Variants in ADAMTSL1 observed in about 807,000 individuals in gnomAD.
ADAMTSL1 encodes ADAMTS-like protein 1.
In ADAMTSL1, 126 loss-of-function variants were observed where a neutral mutation model predicts 201.8. The observed-to-expected ratio is 0.62, with a 90% CI of 0.54 to 0.72. The LOEUF (loss-of-function observed/expected upper bound fraction) is 0.72. Ranked by LOEUF, ADAMTSL1 falls within the 30% of genes least tolerant of loss-of-function variation. The pLI, the probability that ADAMTSL1 is intolerant of heterozygous loss-of-function variation, is 0.00. For synonymous variants in ADAMTSL1, 1,121 were observed against 903.4 expected (o/e 1.24, Z -4.32); for missense variants, 2,679 against 2,277.8 (o/e 1.18, Z -3.59).
chr9:18,721,133 G>C (rs567219121), intron 14 of ADAMTSL1, among the ~76,000 whole-genome samples: 8 of 152,164 alleles, frequency 5.3e-5, no homozygotes. Flanking sequence ...CAAATACAAC[G>C]ATTTCCTTTC....
intron 2 of ADAMTSL1, among the ~76,000 whole-genome samples, chr9:18,291,731 T>A (rs1275060613): frequency 8.5e-5 from 11 of 128,856 alleles, no homozygotes; most frequent in African/African-American, 3.5e-4. Flanking sequence ...TCTCTCTCTC[T>A]CTCTCTCTCT....
At chr9:18,186,850 C>A (rs1318553866) in intron 2 of ADAMTSL1, among the ~76,000 whole-genome samples, 1 of 151,936 alleles carries the variant, frequency 6.6e-6, no homozygotes, top group Non-Finnish European at 1.5e-5. Flanking sequence ...CACACACACA[C>A]ACACACACAC....
At chr9:18,390,945 G>A (rs1838020667) in intron 2 of ADAMTSL1, among the ~76,000 whole-genome samples, 1 of 152,138 alleles carries the variant, frequency 6.6e-6, no homozygotes, top group South Asian at 2.1e-4. Context: ...ATAAACGGAG[G>A]TGTTAATTTG....
Position 18,077,746 on chromosome 9 carries a change from T to TA in ADAMTSL1, c.88-86108dup, listed in dbSNP as rs34125643. On this transcript the variant is annotated intron_variant, in intron 1 of 29. Transcript: ENST00000680146. ...CTAACGTGGGGTCCAAGGAGGACTTTAAAAAAAATGCATATTTGTATGCTG... is the reference window on the plus strand; with the variant it reads ...CTAACGTGGGGTCCAAGGAGGACTTTAAAAAAAAATGCATATTTGTATGCTG... Among the ~76,000 whole-genome samples the TA allele has an allele frequency of 0.012, 1,789 of 151,940 alleles. 96 individuals are homozygous for TA. In the East Asian group the frequency reaches 0.19, roughly 16 times the overall value.
intron 20 of ADAMTSL1, 149 bp downstream of exon 20, chr9:18,795,673 T>C: frequency 1.2e-6 from 1 of 863,344 alleles, no homozygotes; most frequent in Non-Finnish European, 1.7e-6. Flanking sequence ...AACAGCAGTG[T>C]AGTATGAGGT....
intron 15 of ADAMTSL1, among the ~76,000 whole-genome samples, chr9:18,732,651 G>A (rs1818279428): frequency 6.6e-6 from 1 of 152,112 alleles, no homozygotes; most frequent in African/African-American, 2.4e-5. Flanking sequence ...GTTATTCCTA[G>A]CGTTGTCTCC....
At chr9:18,296,711 T>G (rs1355540983) in intron 2 of ADAMTSL1, among the ~76,000 whole-genome samples, 1 of 152,214 alleles carries the variant, frequency 6.6e-6, no homozygotes, top group Non-Finnish European at 1.5e-5. Context: ...TTAAAGTCCT[T>G]TGCTGGAATA....
At chr9:18,722,088 C>T (rs1442228254) in intron 15 of ADAMTSL1, among the ~76,000 whole-genome samples, 2 of 152,206 alleles carry the variant, frequency 1.3e-5, no homozygotes, top group African/African-American at 4.8e-5. Flanking sequence ...AATTGATCCA[C>T]TGTGAAATCT....
chr9:18,886,173 T>C (rs1337223692), intron 23 of ADAMTSL1, among the ~76,000 whole-genome samples: 1 of 74,288 alleles, frequency 1.3e-5, no homozygotes, highest in Non-Finnish European at 2.4e-5. Context: ...TGTGTATATA[T>C]ATATATATAT....
intron 1 of ADAMTSL1, among the ~76,000 whole-genome samples, chr9:18,004,835 A>C (rs1333319899): frequency 6.6e-6 from 1 of 152,090 alleles, no homozygotes; most frequent in Non-Finnish European, 1.5e-5. Flanking sequence ...TGACTGAAGG[A>C]GGAAAATTGA....
At chr9:18,720,435 A>G (rs1253715501) in intron 14 of ADAMTSL1, among the ~76,000 whole-genome samples, 1 of 152,234 alleles carries the variant, frequency 6.6e-6, no homozygotes, top group African/African-American at 2.4e-5. Flanking sequence ...AGCTACTGTT[A>G]TTATGACTGG....
At position 18,498,439 on chromosome 9, in the gene ADAMTSL1, C is replaced by T. The variant is rs549647227; in HGVS notation, c.64-6390C>T. Among the ~76,000 whole-genome samples, 4 of 151,096 alleles carry T rather than the reference C, an allele frequency of 2.6e-5. No individual in the cohort carries two copies. In the South Asian group the frequency reaches 8.4e-4, roughly 32 times the overall value. The stretch of plus-strand genomic sequence containing the variant: ...GCAACCTTCACCTCCTGGGTTCAAG[C>T]GATTCTTGTGTCCCAGCCTCCCAAG... On this transcript the variant is annotated intron_variant, in intron 1 of 28. Transcript: ENST00000380548.
chr9:18,289,562 A>T (rs1250977090), intron 2 of ADAMTSL1, among the ~76,000 whole-genome samples: 1 of 152,202 alleles, frequency 6.6e-6, no homozygotes, highest in African/African-American at 2.4e-5. Context: ...CCAGTATTCT[A>T]TTAACAGGGA....
chr9:18,237,175 A>C (rs1830881425), intron 2 of ADAMTSL1, among the ~76,000 whole-genome samples: 1 of 152,198 alleles, frequency 6.6e-6, no homozygotes, highest in Non-Finnish European at 1.5e-5. Flanking sequence ...CATGTGTCAG[A>C]AGCTGTGTCC....
chr9:18,001,346 G>A (rs1046810664), intron 1 of ADAMTSL1, among the ~76,000 whole-genome samples: 2 of 151,954 alleles, frequency 1.3e-5, no homozygotes, highest in Non-Finnish European at 2.9e-5. Context: ...ATAAATCATG[G>A]CACAGTCATA....
rs1489080667 is a variant in ADAMTSL1 at position 18,777,351 on chromosome 9, C to A, written c.3122C>A (p.Ser1041Ter). 2 of 1,601,702 alleles carry A rather than the reference C, an allele frequency of 1.2e-6. No individual in the cohort carries two copies. Among genetic ancestry groups the A allele is most frequent in the African/African-American group, 2.7e-5 (2 of 74,694 alleles). Reference sequence around the variant, plus strand: ...GGCTGGCCCGGAGAGCTGCTGGCCTCGTGGGAGGCGCAGGACTCTGCGGAA... The same window carrying A: ...GGCTGGCCCGGAGAGCTGCTGGCCTAGTGGGAGGCGCAGGACTCTGCGGAA... ...QGGWPGELLA[S>*]WEAQDSAERN... The change falls in exon 19 of 29, where the codon TCG (serine) becomes TAG (stop). Residue 1041 changes from serine to a stop codon, truncating the protein, a stop_gained. Coordinates refer to ENST00000380548, the MANE Select transcript of ADAMTSL1 (RefSeq NM_001040272.6). LOFTEE classifies it high-confidence loss of function.
At chr9:18,868,727 A>C (rs1157353964) in intron 23 of ADAMTSL1, among the ~76,000 whole-genome samples, 1 of 152,202 alleles carries the variant, frequency 6.6e-6, no homozygotes, top group East Asian at 1.9e-4. Context: ...TCTCAAGAGG[A>C]ATTTATGCAG....
chr9:18,519,923 T>G (rs1361421996), intron 2 of ADAMTSL1, among the ~76,000 whole-genome samples: 1 of 152,224 alleles, frequency 6.6e-6, no homozygotes, highest in Non-Finnish European at 1.5e-5. Context: ...AGTATACTCC[T>G]CATTTTCATA....
At chr9:18,124,077 G>GTTT (rs1157492042) in intron 1 of ADAMTSL1, among the ~76,000 whole-genome samples, 3,252 of 70,666 alleles carry the variant, frequency 0.046, 183 homozygotes, top group East Asian at 0.13. Context: ...TTATTTGCCA[G>GTTT]TTTTTTTTTT....
Sources: gnomAD v4.1 joint callset for allele counts (sites outside exome capture counted in the v4.1 genomes callset) on GRCh38, gnomAD v4.1.1 for gene constraint, MANE v1.5 for transcripts, NCBI Gene and HGNC (gene_info 2026-07-23, HGNC 2026-07-21) for gene names.